The following KLHL4 variants were observed in gnomAD, a reference collection of about 807,000 sequenced individuals.
KLHL4 encodes kelch like family member 4, also known as kelch-like protein 4.
Under a neutral mutation model 45.8 loss-of-function variants are expected in KLHL4, and 17 were observed. That is an observed-to-expected ratio of 0.37 (90% CI 0.25 to 0.56). The LOEUF is 0.56. Ranked by LOEUF, KLHL4 falls within the 20% of genes least tolerant of loss-of-function variation. KLHL4 has a pLI of 0.79. For missense variants in KLHL4, 544 were observed against 544.9 expected (o/e 1.00, Z 0.02); for synonymous variants, 224 against 189.9 (o/e 1.18, Z -1.47).
chrX:87,662,554 GA>G, intron 9 of KLHL4, among the ~76,000 whole-genome samples: 1 of 111,330 alleles, frequency 9.0e-6, no homozygotes, highest in Non-Finnish European at 1.9e-5. Flanking sequence ...TATAGTTATA[GA>G]AAAAAATCAC....
intron 10 of KLHL4, among the ~76,000 whole-genome samples, 164 bp from the exon 11 acceptor site, chrX:87,666,311 C>T (rs1924366805): frequency 9.0e-6 from 1 of 111,401 alleles, no homozygotes; most frequent in Non-Finnish European, 1.9e-5. Context: ...ATGTTTTTTC[C>T]AGCACACTAC....
rs894363010 is a variant in KLHL4 at position 87,666,411 on chromosome X, A to T, written c.2098-64A>T. 1.3e-4 allele frequency: 141 copies of T among 1,048,770 alleles called. 1 individual carries two copies. In the African/African-American group the frequency reaches 2.3e-3, roughly 17 times the overall value. 86.4% of individuals were successfully genotyped at this position (1,048,770 alleles called of 1,213,427 possible). Reference sequence around the variant, plus strand: ...GGACTTCTTCAACTATATTGAATATAATATTTTATATTATGCTGAAATCAG... The same window carrying T: ...GGACTTCTTCAACTATATTGAATATTATATTTTATATTATGCTGAAATCAG... On this transcript the variant is annotated intron_variant, in intron 10 of 10. Coordinates refer to ENST00000373119, the MANE Select transcript of KLHL4 (RefSeq NM_019117.5).
At chrX:87,614,973 G>A (rs775037102) in intron 3 of KLHL4, among the ~76,000 whole-genome samples, 1 of 111,232 alleles carries the variant, frequency 9.0e-6, no homozygotes, top group East Asian at 2.8e-4. Context: ...TGTTCATTCA[G>A]AATAATTTTC....
At chrX:87,547,851 G>T (rs1030015991) in intron 1 of KLHL4, among the ~76,000 whole-genome samples, 3 of 111,111 alleles carry the variant, frequency 2.7e-5, no homozygotes, top group Admixed American at 1.9e-4. Context: ...CAAAAATTAA[G>T]CATGTACAAA....
intron 2 of KLHL4, 113 bp from the exon 3 acceptor site, chrX:87,614,321 G>T: frequency 2.7e-6 from 2 of 748,361 alleles, no homozygotes; most frequent in Admixed American, 5.9e-5. Context: ...GAATTATAAA[G>T]ATTTTATGGA....
At chrX:87,615,035 G>A (rs898409995) in intron 3 of KLHL4, among the ~76,000 whole-genome samples, 1 of 111,183 alleles carries the variant, frequency 9.0e-6, no homozygotes, top group South Asian at 3.7e-4. Context: ...GGACTAAAAA[G>A]TATTTTGACT....
At chrX:87,556,118 T>C (rs1931966668) in intron 1 of KLHL4, among the ~76,000 whole-genome samples, 1 of 111,178 alleles carries the variant, frequency 9.0e-6, no homozygotes, top group South Asian at 3.8e-4. Context: ...TTACATTTGC[T>C]GAGGAGAGCT....
intron 9 of KLHL4, among the ~76,000 whole-genome samples, chrX:87,639,702 G>A (rs772141841): frequency 3.6e-5 from 4 of 110,807 alleles, no homozygotes; most frequent in Non-Finnish European, 5.7e-5. Flanking sequence ...CTAGGAAACA[G>A]AAAAGTGGTT....
intron 1 of KLHL4, among the ~76,000 whole-genome samples, chrX:87,581,242 G>T (rs1174036643): frequency 8.9e-6 from 1 of 112,376 alleles, no homozygotes; most frequent in African/African-American, 3.2e-5. Flanking sequence ...GTGCCGGGGG[G>T]TGGGGAAGAC....
At chrX:87,649,883 A>G (rs191338300) in intron 9 of KLHL4, among the ~76,000 whole-genome samples, 21 of 111,206 alleles carry the variant, frequency 1.9e-4, no homozygotes, top group African/African-American at 5.9e-4. Flanking sequence ...GTCTGTCTTT[A>G]TGCCAGTACC....
intron 1 of KLHL4, among the ~76,000 whole-genome samples, chrX:87,532,908 C>T (rs1266248024): frequency 9.1e-6 from 1 of 110,150 alleles, no homozygotes; most frequent in Non-Finnish European, 1.9e-5. Flanking sequence ...TGAACAGACA[C>T]TTCTCAAAAG....
At chrX:87,648,393 T>G (rs947871244) in intron 9 of KLHL4, among the ~76,000 whole-genome samples, 3 of 111,308 alleles carry the variant, frequency 2.7e-5, no homozygotes, top group African/African-American at 9.8e-5. Flanking sequence ...GGAGACAGCT[T>G]TTTCAGTTAG....
chrX:87,605,302 T>C (rs748216563), intron 1 of KLHL4, among the ~76,000 whole-genome samples: 64 of 111,460 alleles, frequency 5.7e-4, no homozygotes, highest in Middle Eastern at 9.3e-3. Flanking sequence ...CTGTGAGGAA[T>C]GTCATTTGTA....
intron 1 of KLHL4, among the ~76,000 whole-genome samples, chrX:87,604,384 C>T (rs1029618341): frequency 1.8e-5 from 2 of 111,389 alleles, no homozygotes; most frequent in African/African-American, 6.5e-5. Context: ...ATCATGCCAA[C>T]AGTGTGTTCA....
intron 9 of KLHL4, among the ~76,000 whole-genome samples, chrX:87,648,857 C>A (rs1923720402): frequency 9.1e-6 from 1 of 110,475 alleles, no homozygotes; most frequent in Non-Finnish European, 1.9e-5. Flanking sequence ...TTATACAAAC[C>A]ATAAACATGG....
chrX:87,518,453 C>T lies in KLHL4; in HGVS notation c.422+138C>T, dbSNP rs1187700846. The T allele has an allele frequency of 5.6e-6, 3 of 533,222 alleles. No homozygotes were observed. In the Admixed American group the frequency reaches 1.1e-4, roughly 19 times the overall value. The allele number at this position is 533,222 out of a possible 1,213,427, so 43.9% of individuals were successfully genotyped here. On this transcript the variant is annotated intron_variant, in intron 1 of 10. Coordinates refer to ENST00000373119, the MANE Select transcript of KLHL4 (RefSeq NM_019117.5). ...CAGCCAATCAGAGTCTCTCAGAAAC[C>T]GTCTCCTCTAAGTTTATAAAAGAAA...
At chrX:87,663,047 CT>C (rs1924252184) in intron 9 of KLHL4, among the ~76,000 whole-genome samples, 1 of 101,240 alleles carries the variant, frequency 9.9e-6, no homozygotes, top group Non-Finnish European at 2.0e-5. Flanking sequence ...TGCTAAAACA[CT>C]TTTGGCATAC....
rs1259645730 is a variant in KLHL4, at chrX:87,632,400, G to T, written c.1515G>T (p.Val505=). 2.5e-6 allele frequency: 3 copies of T among 1,205,653 alleles called. No homozygotes were observed. In the African/African-American group the frequency reaches 5.3e-5, roughly 21 times the overall value. Residue 505 remains valine (V), a synonymous_variant, in exon 7 of 11, where the codon GTG becomes GTT. Coordinates refer to ENST00000373119, the MANE Select transcript of KLHL4 (RefSeq NM_019117.5). ...ATCCAGTTGGCAAAATCTGGACTGTGATGCCTCCCATGTCAACACATCGGC... is the reference window on the plus strand; with the variant it reads ...ATCCAGTTGGCAAAATCTGGACTGTTATGCCTCCCATGTCAACACATCGGC... ...CFNPVGKIWT[V]MPPMSTHRHG...
chrX:87,577,044 CTTAA>C (rs1921123679), intron 1 of KLHL4, among the ~76,000 whole-genome samples: 1 of 111,505 alleles, frequency 9.0e-6, no homozygotes, highest in South Asian at 3.7e-4. Context: ...ATGTCATGTG[CTTAA>C]TTAAGTCACT....
Sources: allele counts gnomAD v4.1 joint callset (sites outside exome capture counted in the v4.1 genomes callset), GRCh38; gene constraint gnomAD v4.1.1; transcripts MANE v1.5; gene names NCBI Gene and HGNC (gene_info 2026-07-23, HGNC 2026-07-21).